Variants in PARVB observed in about 807,000 individuals in gnomAD.
The protein encoded by PARVB is parvin beta, also known as beta-parvin.
A neutral mutation model predicts 47.0 loss-of-function variants in PARVB; 46 were observed. The ratio of observed to expected loss-of-function variants is 0.98; its 90% CI spans 0.77 to 1.25. The LOEUF (loss-of-function observed/expected upper bound fraction) is 1.25. Ranked by LOEUF, PARVB falls within the 50% of genes most tolerant of loss-of-function variation. PARVB has a pLI of 0.00. For synonymous variants in PARVB, 196 were observed against 196.3 expected (o/e 1.00, Z 0.01); for missense variants, 473 against 471.6 (o/e 1.00, Z -0.03).
intron 10 of PARVB, among the ~76,000 whole-genome samples, chr22:44,156,010 T>C (rs896670936): frequency 4.6e-5 from 7 of 151,408 alleles, no homozygotes; most frequent in Admixed American, 1.3e-4. Flanking sequence ...AATTGGCGGG[T>C]ATGGTGGCAC....
chr22:44,021,854 C>T (rs1002416169), upstream of PARVB, among the ~76,000 whole-genome samples: 1 of 151,250 alleles, frequency 6.6e-6, no homozygotes, highest in African/African-American at 2.4e-5. Flanking sequence ...CGGGGCAATG[C>T]TTCTACAGGC....
intron 12 of PARVB, among the ~76,000 whole-genome samples, chr22:44,165,066 C>T (rs547785974): frequency 6.6e-6 from 1 of 152,264 alleles, no homozygotes; most frequent in East Asian, 1.9e-4. Context: ...GATCACAGCT[C>T]ACTGCAACCT....
chr22:44,058,647 C>T (rs1016336411), intron 1 of PARVB, among the ~76,000 whole-genome samples: 4 of 151,174 alleles, frequency 2.6e-5, no homozygotes, highest in Admixed American at 6.6e-5. Flanking sequence ...CTCCTCCTCC[C>T]GAGTTCAAGC....
Position 44,100,125 on chromosome 22 carries a change from T to C in PARVB, c.273+2T>C, listed in dbSNP as rs751346246. ...CCCAAGTTCAAGGAACTGGTCAAGGTAAGGAGCTCCGTCTTGGTTGGAATC... is the reference window on the plus strand; with the variant it reads ...CCCAAGTTCAAGGAACTGGTCAAGGCAAGGAGCTCCGTCTTGGTTGGAATC... On this transcript the variant is annotated splice_donor_variant, in intron 3 of 12. Coordinates refer to ENST00000338758, the MANE Select transcript of PARVB (RefSeq NM_013327.5). LOFTEE classifies it high-confidence loss of function. 1.1e-5 allele frequency: 17 copies of C among 1,611,824 alleles called. No individual in the cohort carries two copies. The highest frequency in any genetic ancestry group is 1.4e-5 in the Non-Finnish European group (17 of 1,177,934).
chr22:44,056,172 C>T (rs2051307440), intron 1 of PARVB, among the ~76,000 whole-genome samples: 1 of 152,256 alleles, frequency 6.6e-6, no homozygotes. Flanking sequence ...CTCGAGTTTA[C>T]GCAGTAGCCT....
intron 1 of PARVB, among the ~76,000 whole-genome samples, chr22:44,087,821 G>A (rs992169657): frequency 4.5e-5 from 6 of 132,430 alleles, no homozygotes; most frequent in Non-Finnish European, 8.0e-5. Context: ...TTATGTTCTT[G>A]TAATTCCAAA....
intron 8 of PARVB, 100 bp downstream of exon 8, chr22:44,140,243 T>A (rs1299240201): frequency 1.7e-6 from 2 of 1,184,966 alleles, no homozygotes; most frequent in Non-Finnish European, 2.5e-6. Flanking sequence ...AGTGGGAAAC[T>A]AGATGGGTCT....
At chr22:44,067,804 G>T (rs989245313) in intron 1 of PARVB, among the ~76,000 whole-genome samples, 3 of 152,224 alleles carry the variant, frequency 2.0e-5, no homozygotes, top group Non-Finnish European at 4.4e-5. Context: ...TAGCCCTGGG[G>T]ACCTGCATTA....
chr22:44,107,918 G>A (rs2147088450), intron 3 of PARVB: 1 of 151,826 alleles, frequency 6.6e-6, no homozygotes, highest in East Asian at 1.9e-4. Flanking sequence ...CTGTCGGCCA[G>A]GCTACAGTGC....
At chr22:44,145,200 G>A (rs2053638108) in intron 8 of PARVB, 1 of 152,348 alleles carries the variant, frequency 6.6e-6, no homozygotes, top group Non-Finnish European at 1.5e-5. Context: ...CCAAGAGCGA[G>A]GCAGGGGCTG....
At chr22:44,080,278 C>T (rs2051870951) in intron 1 of PARVB, among the ~76,000 whole-genome samples, 1 of 152,192 alleles carries the variant, frequency 6.6e-6, no homozygotes, top group Admixed American at 6.5e-5. Flanking sequence ...GTGGTTTAAA[C>T]CAACACAAAT....
At chr22:44,120,694 G>A (rs1244504973) in intron 4 of PARVB, among the ~76,000 whole-genome samples, 1 of 151,570 alleles carries the variant, frequency 6.6e-6, no homozygotes, top group African/African-American at 2.4e-5. Flanking sequence ...TATTTTGGTA[G>A]AGTCAGGATC....
chr22:44,020,517 C>A (rs2050635038), upstream of PARVB, among the ~76,000 whole-genome samples: 1 of 152,210 alleles, frequency 6.6e-6, no homozygotes, highest in Non-Finnish European at 1.5e-5. Context: ...CCAGCTAGTT[C>A]TGCCTGTGCT....
chr22:44,082,745 A>G (rs887804687), intron 1 of PARVB, among the ~76,000 whole-genome samples: 1 of 152,100 alleles, frequency 6.6e-6, no homozygotes, highest in Non-Finnish European at 1.5e-5. Context: ...CCTTCCCACA[A>G]AGGATTCATT....
intron 11 of PARVB, among the ~76,000 whole-genome samples, chr22:44,162,438 C>T (rs1006588769): frequency 1.3e-5 from 2 of 152,220 alleles, no homozygotes; most frequent in African/African-American, 4.8e-5. Context: ...TCTCATGCCT[C>T]AGCCACCCAA....
intron 1 of PARVB, among the ~76,000 whole-genome samples, chr22:44,078,576 C>T (rs1431885845): frequency 4.6e-5 from 7 of 152,190 alleles, no homozygotes; most frequent in Admixed American, 2.0e-4. Flanking sequence ...TAATCTCCCA[C>T]CCCAAGGTCC....
chr22:44,002,780 T>G (rs750349740), intron 2 of PARVB, among the ~76,000 whole-genome samples: 3 of 152,068 alleles, frequency 2.0e-5, no homozygotes, highest in Non-Finnish European at 2.9e-5. Flanking sequence ...GTCAAACCAG[T>G]TGGCCTGTTT....
chr22:44,119,792 C>T (rs1056107646), intron 4 of PARVB: 4 of 532,862 alleles, frequency 7.5e-6, no homozygotes, highest in Non-Finnish European at 1.5e-5. Context: ...GTTACAGTTA[C>T]TGTTCAGATT....
rs187261129 is a variant in PARVB, at chr22:43,999,968, C to T, written c.211+295C>T. On this transcript the variant is annotated intron_variant, in intron 2 of 13. Transcript: ENST00000406477. Reference sequence around the variant, plus strand: ...GCTGCAGTGAGCCGTGATTGCACCACTGCACTCCAGCTGGGGTGACAGAGC... The same window carrying T: ...GCTGCAGTGAGCCGTGATTGCACCATTGCACTCCAGCTGGGGTGACAGAGC... 2.0e-4 allele frequency among the ~76,000 whole-genome samples: 31 copies of T among 151,954 alleles called. No homozygotes were observed. In the East Asian group the frequency reaches 5.2e-3, roughly 26 times the overall value.
Sources: gnomAD v4.1 joint callset for allele counts (sites outside exome capture counted in the v4.1 genomes callset) on GRCh38, gnomAD v4.1.1 for gene constraint, MANE v1.5 for transcripts, NCBI Gene and HGNC (gene_info 2026-07-23, HGNC 2026-07-21) for gene names.